Variants in SP140L observed in about 807,000 individuals in gnomAD.
SP140L encodes the protein SP140 like nuclear body protein, also known as nuclear body protein SP140-like protein.
A neutral mutation model predicts 84.3 loss-of-function variants in SP140L; 64 were observed. The observed-to-expected ratio is 0.76, with a 90% CI of 0.62 to 0.94. The LOEUF (loss-of-function observed/expected upper bound fraction) is 0.94, where lower values mean the gene tolerates loss of function less well. Ranked by LOEUF, SP140L falls within the 40% of genes least tolerant of loss-of-function variation. The probability of loss-of-function intolerance (pLI) is 0.00; values close to 1 mark genes in which losing one functional copy is unlikely to be tolerated. For missense variants in SP140L, 628 were observed against 692.5 expected, an observed-to-expected ratio of 0.91 and a Z score of 1.05; for synonymous variants, 242 against 236.9, an observed-to-expected ratio of 1.02 and a Z score of -0.20.
chr2:230,385,405 A>C, intron 9 of SP140L, 101 bp downstream of exon 9: 2 of 1,069,340 alleles, frequency 1.9e-6, no homozygotes, highest in East Asian at 2.5e-5. Context: ...AGTCAAACTT[A>C]GTCAATTTCA....
intron 2 of SP140L, among the ~76,000 whole-genome samples, chr2:230,329,946 G>A (rs982610631): frequency 3.9e-5 from 6 of 152,104 alleles, no homozygotes; most frequent in African/African-American, 1.2e-4. Flanking sequence ...TTCATTTCTC[G>A]TTCAATCTTC....
chr2:230,367,295 C>CTTTTTTTTTTTTTTTTTTTTTTTTTTCTT (rs200306286), intron 5 of SP140L, among the ~76,000 whole-genome samples: 1 of 118,052 alleles, frequency 8.5e-6, no homozygotes, highest in Non-Finnish European at 1.7e-5. Flanking sequence ...TCTTTTTTTT[C>CTTTTTTTTTTTTTTTTTTTTTTTTTTCTT]TTTTTTTTTT....
intron 13 of SP140L, 144 bp downstream of exon 13, chr2:230,393,605 A>G: frequency 1.0e-6 from 1 of 1,001,592 alleles, no homozygotes; most frequent in Non-Finnish European, 1.4e-6. Flanking sequence ...TTTTTAATAT[A>G]CACTTTCAGA....
intron 2 of SP140L, among the ~76,000 whole-genome samples, chr2:230,340,558 C>G (rs1368244299): frequency 7.4e-6 from 1 of 135,974 alleles, no homozygotes; most frequent in South Asian, 2.6e-4. Flanking sequence ...TTATTTTGCT[C>G]GTTAGTTGAT....
chr2:230,364,299 G>A (rs1269423665), intron 5 of SP140L, among the ~76,000 whole-genome samples: 1 of 152,032 alleles, frequency 6.6e-6, no homozygotes. Flanking sequence ...TGAACATGGG[G>A]TATCTTTCCA....
chr2:230,342,895 T>A (rs1323887238), intron 2 of SP140L, among the ~76,000 whole-genome samples: 1 of 152,250 alleles, frequency 6.6e-6, no homozygotes, highest in East Asian at 1.9e-4. Flanking sequence ...TTATTTCTGC[T>A]CTAATCTACA....
chr2:230,378,190 C>G (rs1052841475), intron 7 of SP140L, among the ~76,000 whole-genome samples: 3 of 152,046 alleles, frequency 2.0e-5, no homozygotes, highest in Non-Finnish European at 4.4e-5. Context: ...TATTCTTATG[C>G]CAATACACCA....
chr2:230,400,537 G>A (rs2062278019), intron 15 of SP140L: 2 of 475,246 alleles, frequency 4.2e-6, no homozygotes, highest in African/African-American at 3.9e-5. Context: ...TCCTGTCCCA[G>A]GGGGTTGAGG....
At chr2:230,389,339 C>G (rs577814645) in intron 10 of SP140L, among the ~76,000 whole-genome samples, 9 of 152,114 alleles carry the variant, frequency 5.9e-5, no homozygotes, top group Admixed American at 5.9e-4. Flanking sequence ...TTCCCCACCC[C>G]CTGCTAGGTA....
At chr2:230,353,197 T>C (rs1294766361) in intron 2 of SP140L, among the ~76,000 whole-genome samples, 1 of 152,112 alleles carries the variant, frequency 6.6e-6, no homozygotes, top group Non-Finnish European at 1.5e-5. Context: ...AGCCTGTAAC[T>C]ACAAGTTTTA....
intron 2 of SP140L, among the ~76,000 whole-genome samples, chr2:230,346,376 C>T (rs546955758): frequency 1.3e-5 from 2 of 152,038 alleles, no homozygotes; most frequent in East Asian, 1.9e-4. Flanking sequence ...TATTGTTGAA[C>T]CTGTTTGGGG....
At chr2:230,376,460 A>G (rs1312410999) in intron 7 of SP140L, among the ~76,000 whole-genome samples, 1 of 152,222 alleles carries the variant, frequency 6.6e-6, no homozygotes, top group Non-Finnish European at 1.5e-5. Flanking sequence ...CCAAAAAGAA[A>G]TTAAGAAAAT....
chr2:230,334,640 AT>A (rs758729058), intron 2 of SP140L, among the ~76,000 whole-genome samples: 20 of 152,010 alleles, frequency 1.3e-4, no homozygotes, highest in Non-Finnish European at 2.5e-4. Context: ...AACAGTTTTT[AT>A]TTTGTATTTG....
chr2:230,387,251 A>G (rs1433990218), intron 9 of SP140L, among the ~76,000 whole-genome samples: 1 of 152,226 alleles, frequency 6.6e-6, no homozygotes, highest in Non-Finnish European at 1.5e-5. Context: ...CTACCTCCCT[A>G]TACAAGTTTA....
At chr2:230,381,492 T>C (rs1200085842) in intron 7 of SP140L, among the ~76,000 whole-genome samples, 1 of 152,202 alleles carries the variant, frequency 6.6e-6, no homozygotes, top group Non-Finnish European at 1.5e-5. Context: ...ATGAAGACAC[T>C]ACCCCATCAG....
intron 7 of SP140L, among the ~76,000 whole-genome samples, chr2:230,381,521 C>T (rs1476743941): frequency 6.6e-6 from 1 of 152,150 alleles, no homozygotes; most frequent in African/African-American, 2.4e-5. Flanking sequence ...ATTAATTTGA[C>T]CCATGGGTCC....
At chr2:230,387,613 G>A (rs908367405) in intron 9 of SP140L, among the ~76,000 whole-genome samples, 2 of 152,210 alleles carry the variant, frequency 1.3e-5, no homozygotes, top group African/African-American at 4.8e-5. Flanking sequence ...ACCCTGACCA[G>A]CATCCCTAGA....
intron 11 of SP140L, 124 bp downstream of exon 11, chr2:230,390,147 G>A (rs2061740917): frequency 1.3e-6 from 1 of 793,124 alleles, no homozygotes; most frequent in South Asian, 1.8e-5. Context: ...CTTGAGGGAA[G>A]GAGGAAGGGA....
chr2:230,399,567 A>G (rs11675135), intron 14 of SP140L, among the ~76,000 whole-genome samples: 32,977 of 152,146 alleles, frequency 0.22, 4,703 homozygotes, highest in Non-Finnish European at 0.31. Flanking sequence ...CCACCTGGTC[A>G]TGTGTACTCA....
Sources: gnomAD v4.1 joint callset for allele counts (sites outside exome capture counted in the v4.1 genomes callset) on GRCh38, gnomAD v4.1.1 for gene constraint, MANE v1.5 for transcripts, NCBI Gene and HGNC (gene_info 2026-07-23, HGNC 2026-07-21) for gene names.